FMN1: variants seen among roughly 807,000 people sequenced by gnomAD.
The protein encoded by FMN1 is formin 1.
In FMN1, 110 loss-of-function variants were observed where a neutral mutation model predicts 132.4. That is an observed-to-expected ratio of 0.83 (90% CI 0.71 to 0.97). The LOEUF (loss-of-function observed/expected upper bound fraction) is 0.97. Among genes scored for constraint, FMN1 ranks in the 50% least tolerant of loss-of-function variants. FMN1 has a pLI of 0.00. For missense variants in FMN1, 1,792 were observed against 1,705.3 expected (o/e 1.05, Z -0.90); for synonymous variants, 722 against 651.7 (o/e 1.11, Z -1.64).
intron 5 of FMN1, among the ~76,000 whole-genome samples, chr15:33,069,903 G>A (rs371246026): frequency 1.4e-5 from 2 of 147,528 alleles, no homozygotes; most frequent in South Asian, 2.2e-4. Context: ...TTGTCTAGAG[G>A]AAATACCCAT....
intron 4 of FMN1, among the ~76,000 whole-genome samples, chr15:33,125,206 A>T (rs186428122): frequency 4.6e-5 from 7 of 151,640 alleles, no homozygotes; most frequent in African/African-American, 1.4e-4. Flanking sequence ...CAGCTTAAGA[A>T]GGTCACCTAA....
At chr15:33,003,582 G>A (rs570915954) in intron 7 of FMN1, among the ~76,000 whole-genome samples, 1 of 152,186 alleles carries the variant, frequency 6.6e-6, no homozygotes, top group East Asian at 1.9e-4. Context: ...CTATGCTCAT[G>A]GGTAAGAATC....
chr15:32,775,562 A>C lies in FMN1; in HGVS notation c.4216-1208T>G, dbSNP rs546822435. Among the ~76,000 whole-genome samples, 8 of 152,336 alleles carry C rather than the reference A, an allele frequency of 5.3e-5. No individual in the cohort carries two copies. The South Asian group carries it at 1.7e-3, about 32-fold the overall frequency. On this transcript the variant is annotated intron_variant, in intron 20 of 20. Transcript: ENST00000616417. ...TCAGGGTTCAGCCGACTGCCACTGA[A>C]AGTCATACAAATGAATGTCATAAAT...
chr15:32,877,724 A>G (rs2059671616), intron 16 of FMN1, among the ~76,000 whole-genome samples: 1 of 152,192 alleles, frequency 6.6e-6, no homozygotes, highest in South Asian at 2.1e-4. Flanking sequence ...TTCTCTTCAG[A>G]CAGCTTTAAA....
chr15:32,948,491 G>A (rs1458139418), intron 9 of FMN1, among the ~76,000 whole-genome samples: 1 of 151,932 alleles, frequency 6.6e-6, no homozygotes, highest in African/African-American at 2.4e-5. Flanking sequence ...CATGCTTAGT[G>A]TAATAAAATA....
At chr15:32,789,983 G>C (rs1036637147) in intron 19 of FMN1, among the ~76,000 whole-genome samples, 4 of 152,110 alleles carry the variant, frequency 2.6e-5, no homozygotes, top group South Asian at 4.2e-4. Flanking sequence ...TATAATGTTC[G>C]CACAATGATG....
rs976768093 is a variant in FMN1, at chr15:32,767,558, T to C, written c.*6752A>G. The C allele has an allele frequency of 3.5e-4, 53 of 152,232 alleles. No individual in the cohort carries two copies. The highest frequency in any genetic ancestry group is 1.3e-3 in the African/African-American group (52 of 41,458). The allele number at this position is 152,232 out of a possible 1,614,324, so 9.4% of individuals were successfully genotyped here. On this transcript the variant is annotated 3_prime_UTR_variant, in exon 21 of 21. Coordinates refer to ENST00000616417, the MANE Select transcript of FMN1 (RefSeq NM_001277313.2). ...AAAAAGACTATGATAAACCAATGTT[T>C]TCTCTAAAGATTCTTAAAAATTATC...
At chr15:32,929,731 G>A (rs2140372736) in intron 9 of FMN1, among the ~76,000 whole-genome samples, 1 of 151,268 alleles carries the variant, frequency 6.6e-6, no homozygotes, top group African/African-American at 2.4e-5. Context: ...AATGTCCTCA[G>A]GCCAATCCAT....
chr15:32,885,961 A>G (rs1309295387), intron 16 of FMN1, among the ~76,000 whole-genome samples: 2 of 152,152 alleles, frequency 1.3e-5, no homozygotes, highest in Non-Finnish European at 2.9e-5. Flanking sequence ...TCAAAGCCTC[A>G]TCAAATCTTT....
At chr15:32,930,903 T>C (rs1363904313) in intron 9 of FMN1, among the ~76,000 whole-genome samples, 1 of 152,210 alleles carries the variant, frequency 6.6e-6, no homozygotes, top group East Asian at 1.9e-4. Context: ...TTCATTCTTT[T>C]GTGTGTGGAT....
At chr15:32,965,030 G>A (rs2031064509) in intron 8 of FMN1, among the ~76,000 whole-genome samples, 1 of 152,154 alleles carries the variant, frequency 6.6e-6, no homozygotes, top group South Asian at 2.1e-4. Flanking sequence ...GACTCCAGTG[G>A]TCACTCCTCA....
intron 17 of FMN1, among the ~76,000 whole-genome samples, chr15:32,841,442 C>T (rs1276857556): frequency 6.6e-6 from 1 of 152,070 alleles, no homozygotes; most frequent in African/African-American, 2.4e-5. Flanking sequence ...TTTTTGGGAA[C>T]ATAACATTGG....
chr15:32,961,042 A>G (rs2030471758), intron 9 of FMN1, among the ~76,000 whole-genome samples: 2 of 150,862 alleles, frequency 1.3e-5, no homozygotes, highest in East Asian at 2.0e-4. Context: ...GGTATCATTC[A>G]ATATTACATA....
intron 16 of FMN1, among the ~76,000 whole-genome samples, chr15:32,873,559 G>C (rs1194044448): frequency 6.6e-6 from 1 of 152,142 alleles, no homozygotes; most frequent in Non-Finnish European, 1.5e-5. Context: ...TGAGCTGCTG[G>C]AGCCTTTAAC....
chr15:33,068,191 T>C (rs1235510094), intron 5 of FMN1: 8 of 310,636 alleles, frequency 2.6e-5, no homozygotes, highest in Non-Finnish European at 3.8e-5. Context: ...TCCGTATTTA[T>C]TCCCGGGGAC....
chr15:33,009,462 T>C (rs1596461949), intron 6 of FMN1, among the ~76,000 whole-genome samples: 1 of 152,168 alleles, frequency 6.6e-6, no homozygotes. Flanking sequence ...TCTCTCCCTA[T>C]CATTTCATAC....
rs1275986502 is a variant in FMN1 at position 32,801,922 on chromosome 15, T to C, written c.3980+2359A>G. Among the ~76,000 whole-genome samples, 3 of 152,254 alleles carry C rather than the reference T, an allele frequency of 2.0e-5. No homozygotes were observed. In the East Asian group the frequency reaches 5.8e-4, roughly 29 times the overall value. ...TTGATAAGGCCTAGACTGTTGTCTT[T>C]CCTAGACAAAACTCCATTTTAAATT... On this transcript the variant is annotated intron_variant, in intron 18 of 20. Coordinates refer to ENST00000616417, the MANE Select transcript of FMN1 (RefSeq NM_001277313.2).
chr15:32,975,961 A>G (rs1382021479), intron 7 of FMN1, among the ~76,000 whole-genome samples: 1 of 152,160 alleles, frequency 6.6e-6, no homozygotes, highest in African/African-American at 2.4e-5. Context: ...GCAACAGAGG[A>G]GACTTTTGCT....
At chr15:33,022,896 T>C (rs1419360857) in intron 6 of FMN1, among the ~76,000 whole-genome samples, 1 of 151,796 alleles carries the variant, frequency 6.6e-6, no homozygotes, top group African/African-American at 2.4e-5. Flanking sequence ...CCTGGGGGTC[T>C]TGGCTGGGGC....
Sources: gnomAD v4.1 joint callset for allele counts (sites outside exome capture counted in the v4.1 genomes callset) on GRCh38, gnomAD v4.1.1 for gene constraint, MANE v1.5 for transcripts, NCBI Gene and HGNC (gene_info 2026-07-23, HGNC 2026-07-21) for gene names.